ATF6: variants seen among roughly 807,000 people sequenced by gnomAD.
ATF6 encodes the protein activating transcription factor 6.
In ATF6, 53 loss-of-function variants were observed where a neutral mutation model predicts 83.6. The ratio of observed to expected loss-of-function variants is 0.63; its 90% confidence interval spans 0.51 to 0.80. The LOEUF (loss-of-function observed/expected upper bound fraction) is 0.80. Among genes scored for constraint, ATF6 ranks in the 30% least tolerant of loss-of-function variants. The pLI is 0.00. For synonymous variants in ATF6, 288 were observed against 285.8 expected (o/e 1.01, Z -0.08); for missense variants, 744 against 797.9 (o/e 0.93, Z 0.81).
At chr1:161,842,669 G>A (rs1686384662) in intron 9 of ATF6, among the ~76,000 whole-genome samples, 1 of 152,000 alleles carries the variant, frequency 6.6e-6, no homozygotes, top group Non-Finnish European at 1.5e-5. Context: ...TTGGGATATA[G>A]GTGCACCAAA....
At chr1:161,831,508 T>C (rs369136542) in intron 9 of ATF6, among the ~76,000 whole-genome samples, 8 of 152,172 alleles carry the variant, frequency 5.3e-5, no homozygotes, top group African/African-American at 1.4e-4. Context: ...ATGTTTATTG[T>C]GGCACTATTC....
chr1:161,882,124 G>T (rs1687335888), intron 14 of ATF6, among the ~76,000 whole-genome samples: 2 of 152,098 alleles, frequency 1.3e-5, no homozygotes, highest in South Asian at 4.1e-4. Context: ...GACTTTGTTA[G>T]GTTGCACATT....
At chr1:161,899,264 T>G (rs1326561077) in intron 14 of ATF6, among the ~76,000 whole-genome samples, 16 of 152,236 alleles carry the variant, frequency 1.1e-4, no homozygotes, top group Admixed American at 8.5e-4. Flanking sequence ...ATTAAGCCTA[T>G]TCACCCTGCA....
intron 14 of ATF6, among the ~76,000 whole-genome samples, chr1:161,901,765 A>G (rs1687791972): frequency 6.6e-6 from 1 of 152,160 alleles, no homozygotes; most frequent in South Asian, 2.1e-4. Flanking sequence ...ATTTCTTTAA[A>G]GATTAGTTGC....
At chr1:161,805,134 TTATTGTATGAATG>T (rs1312333016) in intron 7 of ATF6, among the ~76,000 whole-genome samples, 5 of 152,124 alleles carry the variant, frequency 3.3e-5, no homozygotes, top group Non-Finnish European at 5.9e-5. Context: ...ATGTCTACAT[TTATTGTATGAATG>T]TATATTCAGA....
In ATF6 at chr1:161,766,400, C is replaced by T. The variant is rs765402374; in HGVS notation, c.40C>T (p.Pro14Ser). The change falls in exon 1 of 16, where the codon CCT becomes TCT. Residue 14 changes from proline (P) to serine (S), a missense_variant. Physicochemically the swap from Pro to Ser is moderately conservative, Grantham distance 74. Coordinates refer to ENST00000367942, the MANE Select transcript of ATF6 (RefSeq NM_007348.4). Reference sequence around the variant, plus strand: ...TGGGGTTGCCGGCACCATGGAGTCACCTTTTAGCCCGGGACTCTTTCACAG... The same window carrying T: ...TGGGGTTGCCGGCACCATGGAGTCATCTTTTAGCCCGGGACTCTTTCACAG... Reference protein sequence around the residue: ...PAGVAGTMESPFSPGLFHRLD... With the variant: ...PAGVAGTMESSFSPGLFHRLD... 8.7e-6 allele frequency: 14 copies of T among 1,613,416 alleles called. No homozygotes were observed. The highest frequency in any genetic ancestry group is 1.1e-5 in the Non-Finnish European group (13 of 1,179,730).
chr1:161,786,418 TCTTTG>T (rs1387650182), intron 4 of ATF6, among the ~76,000 whole-genome samples: 1 of 152,250 alleles, frequency 6.6e-6, no homozygotes, highest in African/African-American at 2.4e-5. Context: ...TTCTTTTGTC[TCTTTG>T]CTTTATTTCT....
At chr1:161,810,634 G>A (rs2101768232) in intron 7 of ATF6, among the ~76,000 whole-genome samples, 1 of 151,770 alleles carries the variant, frequency 6.6e-6, no homozygotes, top group South Asian at 2.1e-4. Context: ...GCTTCATTGA[G>A]ATAAAATGCA....
At chr1:161,803,489 G>A (rs1367539589) in intron 7 of ATF6, among the ~76,000 whole-genome samples, 1 of 152,154 alleles carries the variant, frequency 6.6e-6, no homozygotes, top group African/African-American at 2.4e-5. Flanking sequence ...GACTAGAAGA[G>A]GTAAGCACAA....
At chr1:161,892,628 C>CTTTTTTTTTTT (rs773642361) in intron 14 of ATF6, among the ~76,000 whole-genome samples, 1 of 124,716 alleles carries the variant, frequency 8.0e-6, no homozygotes, top group African/African-American at 3.1e-5. Context: ...ACAGGTCATT[C>CTTTTTTTTTTT]TTTTTTTTTT....
At chr1:161,827,842 ATAAAC>A (rs1192505872) in intron 9 of ATF6, among the ~76,000 whole-genome samples, 1 of 152,202 alleles carries the variant, frequency 6.6e-6, no homozygotes, top group Non-Finnish European at 1.5e-5. Context: ...GGAAAAAAAA[ATAAAC>A]TAAATGGACT....
At chr1:161,935,907 A>G (rs1688525820) in intron 15 of ATF6, among the ~76,000 whole-genome samples, 1 of 152,180 alleles carries the variant, frequency 6.6e-6, no homozygotes, top group Admixed American at 6.5e-5. Context: ...AAATGTTAGA[A>G]ATTTCTTTCT....
chr1:161,931,589 C>G (rs1688434952), intron 15 of ATF6, among the ~76,000 whole-genome samples: 1 of 152,096 alleles, frequency 6.6e-6, no homozygotes, highest in African/African-American at 2.4e-5. Flanking sequence ...AGAACCCATC[C>G]CCATTAGCAG....
At chr1:161,945,597 T>A (rs4656339) in intron 15 of ATF6, among the ~76,000 whole-genome samples, 137,448 of 152,250 alleles carry the variant, frequency 0.9, 62,206 homozygotes, top group African/African-American at 0.96. Context: ...CTTATCTTTT[T>A]CAACAAAACT....
At chr1:161,827,260 G>T (rs552855285) in intron 9 of ATF6, among the ~76,000 whole-genome samples, 1 of 152,222 alleles carries the variant, frequency 6.6e-6, no homozygotes, top group Non-Finnish European at 1.5e-5. Flanking sequence ...GCAAGGCTAT[G>T]ATCTTCTCTG....
At chr1:161,827,904 A>C (rs1416679574) in intron 9 of ATF6, among the ~76,000 whole-genome samples, 2 of 151,442 alleles carry the variant, frequency 1.3e-5, no homozygotes, top group Admixed American at 6.6e-5. Flanking sequence ...GTGGATAGTA[A>C]AGAAGTCATC....
At chr1:161,894,845 T>A (rs1687642407) in intron 14 of ATF6, among the ~76,000 whole-genome samples, 1 of 151,596 alleles carries the variant, frequency 6.6e-6, no homozygotes, top group Admixed American at 6.6e-5. Context: ...CTGCTGTGCC[T>A]GTCCTATTTT....
At chr1:161,821,722 A>T (rs760750870) in intron 9 of ATF6, among the ~76,000 whole-genome samples, 3 of 152,224 alleles carry the variant, frequency 2.0e-5, no homozygotes, top group Non-Finnish European at 4.4e-5. Context: ...ACAATGAGGC[A>T]TCCCTAGCTT....
At chr1:161,955,993 C>G (rs1688959091) in intron 15 of ATF6, among the ~76,000 whole-genome samples, 3 of 152,150 alleles carry the variant, frequency 2.0e-5, no homozygotes, top group Admixed American at 2.0e-4. Context: ...GTCTTGGAAT[C>G]AGATCATAGC....
Sources: allele counts gnomAD v4.1 joint callset (sites outside exome capture counted in the v4.1 genomes callset), GRCh38; gene constraint gnomAD v4.1.1; transcripts MANE v1.5; gene names NCBI Gene and HGNC (gene_info 2026-07-23, HGNC 2026-07-21).